The following BAIAP2L1 variants were observed in gnomAD, a reference collection of about 807,000 sequenced individuals.
The protein encoded by BAIAP2L1 is BAR/IMD domain containing adaptor protein 2 like 1.
Under a neutral mutation model 66.3 loss-of-function variants are expected in BAIAP2L1, and 35 were observed. That is an observed-to-expected ratio of 0.53 (90% confidence interval 0.40 to 0.70). The LOEUF (loss-of-function observed/expected upper bound fraction) is 0.70, where lower values mean the gene tolerates loss of function less well. Ranked by LOEUF, BAIAP2L1 falls within the 30% of genes least tolerant of loss-of-function variation. BAIAP2L1 has a pLI of 0.00. For synonymous variants in BAIAP2L1, 269 were observed against 248.7 expected (o/e 1.08, Z -0.77); for missense variants, 622 against 656.9 (o/e 0.95, Z 0.58).
chr7:98,383,891 C>T (rs1802822049), intron 1 of BAIAP2L1, among the ~76,000 whole-genome samples: 1 of 152,082 alleles, frequency 6.6e-6, no homozygotes, highest in Non-Finnish European at 1.5e-5. Context: ...TGGTGGCTCA[C>T]GCCTGTAATC....
At chr7:98,316,709 A>G (rs1801085523) in intron 6 of BAIAP2L1, among the ~76,000 whole-genome samples, 1 of 152,116 alleles carries the variant, frequency 6.6e-6, no homozygotes, top group Non-Finnish European at 1.5e-5. Flanking sequence ...GCTATTGGAC[A>G]CTAGAACTTA....
At chr7:98,335,864 A>G (rs779483289) in intron 3 of BAIAP2L1, among the ~76,000 whole-genome samples, 18 of 152,126 alleles carry the variant, frequency 1.2e-4, no homozygotes, top group Non-Finnish European at 2.5e-4. Flanking sequence ...GTTTTACAGA[A>G]GGGCTTGTCC....
chr7:98,331,603 G>A (rs1419967809), intron 3 of BAIAP2L1, among the ~76,000 whole-genome samples: 7 of 151,346 alleles, frequency 4.6e-5, no homozygotes, highest in South Asian at 2.1e-4. Context: ...CGAGTAGCTG[G>A]GATTACAGGC....
rs531536790 is a variant in BAIAP2L1 at position 98,389,317 on chromosome 7, C to A, written c.51+11485G>T. Among the ~76,000 whole-genome samples, 3 of 151,958 alleles carry A rather than the reference C, an allele frequency of 2.0e-5. No homozygotes were observed. In the South Asian group the frequency reaches 6.3e-4, roughly 32 times the overall value. On this transcript the variant is annotated intron_variant, in intron 1 of 13. Coordinates refer to ENST00000005260, the MANE Select transcript of BAIAP2L1 (RefSeq NM_018842.5). ...ATCTTTTCTGCACATTTGTTCGAGG[C>A]CTTATTTTTTATTTTTTTTGAGACA...
chr7:98,321,544 T>C (rs1038662335), intron 3 of BAIAP2L1, among the ~76,000 whole-genome samples: 3 of 152,070 alleles, frequency 2.0e-5, no homozygotes, highest in African/African-American at 7.2e-5. Context: ...GCCCCCGGGT[T>C]TGCAATCATA....
chr7:98,380,290 G>GTA (rs748531714), intron 1 of BAIAP2L1, among the ~76,000 whole-genome samples: 3 of 151,866 alleles, frequency 2.0e-5, no homozygotes, highest in Non-Finnish European at 2.9e-5. Flanking sequence ...GTTGCCCAGT[G>GTA]TATCAGTCTG....
intron 2 of BAIAP2L1, among the ~76,000 whole-genome samples, chr7:98,357,861 G>T (rs140477808): frequency 1.3e-5 from 2 of 152,258 alleles, no homozygotes; most frequent in African/African-American, 4.8e-5. Context: ...TTGAGTCAGC[G>T]GGAAGGCACA....
chr7:98,366,633 T>C (rs1410974471), intron 1 of BAIAP2L1, among the ~76,000 whole-genome samples: 1 of 152,190 alleles, frequency 6.6e-6, no homozygotes, highest in Admixed American at 6.5e-5. Flanking sequence ...ATCATTTTAA[T>C]GGGTTCTCAA....
At chr7:98,318,109 C>A (rs1003955701) in intron 5 of BAIAP2L1, among the ~76,000 whole-genome samples, 2 of 152,194 alleles carry the variant, frequency 1.3e-5, no homozygotes, top group African/African-American at 4.8e-5. Flanking sequence ...CTGGTTAGAG[C>A]CCTCACCCCT....
intron 3 of BAIAP2L1, among the ~76,000 whole-genome samples, chr7:98,325,260 G>A (rs1006784758): frequency 1.3e-5 from 2 of 152,090 alleles, no homozygotes; most frequent in African/African-American, 4.8e-5. Context: ...GCAGGTGCCT[G>A]TAGTCCCACC....
At chr7:98,316,619 A>G (rs551847199) in intron 6 of BAIAP2L1, among the ~76,000 whole-genome samples, 3 of 152,320 alleles carry the variant, frequency 2.0e-5, no homozygotes, top group East Asian at 1.9e-4. Flanking sequence ...TATTGTTTCT[A>G]TGTGTTGGGG....
intron 9 of BAIAP2L1, 196 bp from the exon 10 acceptor site, chr7:98,308,092 G>A (rs574352276): frequency 2.7e-5 from 19 of 698,008 alleles, no homozygotes; most frequent in African/African-American, 1.4e-4. Context: ...CAGAGGCAGC[G>A]TGCAGCCTGA....
At chr7:98,319,104 C>T (rs952318685) in intron 5 of BAIAP2L1, among the ~76,000 whole-genome samples, 5 of 152,122 alleles carry the variant, frequency 3.3e-5, no homozygotes, top group African/African-American at 7.2e-5. Flanking sequence ...GCAGTCCTCA[C>T]GAGGACGACA....
chr7:98,384,997 C>A (rs952524224), intron 1 of BAIAP2L1, among the ~76,000 whole-genome samples: 1 of 152,178 alleles, frequency 6.6e-6, no homozygotes, highest in South Asian at 2.1e-4. Context: ...CGGCAATCAA[C>A]CTCATTCTAT....
At chr7:98,334,888 G>A (rs914915384) in intron 3 of BAIAP2L1, among the ~76,000 whole-genome samples, 31 of 144,192 alleles carry the variant, frequency 2.1e-4, no homozygotes, top group African/African-American at 2.5e-5. Context: ...GGTGGCTCAC[G>A]CCTGTAATCC....
Position 98,393,176 on chromosome 7 carries a change from T to TATAC in BAIAP2L1, c.51+7625_51+7626insGTAT, listed in dbSNP as rs1803110182. On this transcript the variant is annotated intron_variant, in intron 1 of 13. Transcript: ENST00000005260. ...ATATGTACACATATATGTATATATA[T>TATAC]ACATATATGTGTGTGTTTATATATA... Among the ~76,000 whole-genome samples the TATAC allele has an allele frequency of 8.7e-5, 5 of 57,276 alleles. 1 individual carries two copies. In the South Asian group the frequency reaches 1.0e-3, roughly 12 times the overall value. The allele number at this position is 57,276 out of a possible 152,430, so 37.6% of individuals were successfully genotyped here.
intron 3 of BAIAP2L1, chr7:98,323,453 T>G (rs1801300687): frequency 6.6e-6 from 1 of 152,220 alleles, no homozygotes; most frequent in Non-Finnish European, 1.5e-5. Context: ...CATTCGGTGA[T>G]TTGAGCTAGA....
intron 7 of BAIAP2L1, among the ~76,000 whole-genome samples, chr7:98,314,732 G>A (rs933673315): frequency 3.9e-5 from 6 of 152,120 alleles, no homozygotes; most frequent in South Asian, 2.1e-4. Flanking sequence ...CGTGACCCCC[G>A]GACACGGACC....
chr7:98,320,329 A>T, intron 3 of BAIAP2L1, 31 bp from the exon 4 acceptor site: 1 of 1,509,472 alleles, frequency 6.6e-7, no homozygotes, highest in Non-Finnish European at 9.0e-7. Flanking sequence ...GTTAGCGGGA[A>T]GCCATTGCGT....
Sources: gnomAD v4.1 joint callset for allele counts (sites outside exome capture counted in the v4.1 genomes callset) on GRCh38, gnomAD v4.1.1 for gene constraint, MANE v1.5 for transcripts, NCBI Gene and HGNC (gene_info 2026-07-23, HGNC 2026-07-21) for gene names.